The following SDHA variants were observed in gnomAD, a reference collection of about 807,000 sequenced individuals.
SDHA encodes the protein succinate dehydrogenase [ubiquinone] flavoprotein subunit, mitochondrial.
In SDHA, 48 loss-of-function variants were observed where a neutral mutation model predicts 78.4. The observed-to-expected ratio is 0.61, with a 90% CI of 0.49 to 0.78. The LOEUF (loss-of-function observed/expected upper bound fraction) is 0.78. Among genes scored for constraint, SDHA ranks in the 30% least tolerant of loss-of-function variants. SDHA has a pLI of 0.00. For missense variants in SDHA, 680 were observed against 892.7 expected (o/e 0.76, Z 3.04); for synonymous variants, 326 against 353.9 (o/e 0.92, Z 0.88).
intron 1 of SDHA, chr5:220,367 C>T: frequency 4.6e-6 from 2 of 433,656 alleles, no homozygotes; most frequent in South Asian, 3.2e-5. Context: ...TTAACATGAA[C>T]ATCCAATATA....
At chr5:240,805 G>A (rs1736091626) in intron 11 of SDHA, among the ~76,000 whole-genome samples, 1 of 152,182 alleles carries the variant, frequency 6.6e-6, no homozygotes, top group African/African-American at 2.4e-5. Flanking sequence ...ACTTCACTTA[G>A]GATAGTGACC....
intron 9 of SDHA, 49 bp from the exon 10 acceptor site, chr5:236,379 T>G: frequency 6.3e-7 from 1 of 1,590,410 alleles, no homozygotes; most frequent in Non-Finnish European, 8.6e-7. Context: ...GGTGGGCTGG[T>G]GGAGGCATGG....
chr5:234,828 G>C (rs1430284858), intron 8 of SDHA: 1 of 405,040 alleles, frequency 2.5e-6, no homozygotes, highest in Admixed American at 3.6e-5. Context: ...ACGCAGGGAC[G>C]ACTGTATTTG....
rs1579397115 is a variant in SDHA at position 230,890 on chromosome 5, C to T, written c.785C>T (p.Thr262Ile). 18 of 1,614,012 alleles carry T rather than the reference C, an allele frequency of 1.1e-5. No homozygotes were observed. The highest frequency in any genetic ancestry group is 1.5e-5 in the Non-Finnish European group (18 of 1,179,938). ...ATTGTTTCCAGAGGCTACGGGCGCA[C>T]CTACTTCAGCTGCACGTCTGCCCAC... ...TVVATGGYGR[T>I]YFSCTSAHTS... The change falls in exon 7 of 15, where the codon ACC becomes ATC. Residue 262 changes from threonine (T) to isoleucine (I), a missense_variant. Coordinates refer to ENST00000264932, the MANE Select transcript of SDHA (RefSeq NM_004168.4).
At chr5:247,383 C>A (rs1353603628) in intron 11 of SDHA, among the ~76,000 whole-genome samples, 12 of 152,204 alleles carry the variant, frequency 7.9e-5, no homozygotes, top group African/African-American at 2.9e-4. Context: ...TACACCTCTT[C>A]CAGGACCTTT....
intron 9 of SDHA, chr5:236,104 A>G (rs1034481988): frequency 1.3e-5 from 5 of 390,644 alleles, no homozygotes; most frequent in African/African-American, 2.1e-5. Context: ...AGCTCACTGC[A>G]ACCTCTGCCT....
rs772849135 is a variant in SDHA at position 226,066 on chromosome 5, A to G, written c.621+19A>G. 3.7e-6 allele frequency: 6 copies of G among 1,614,012 alleles called. No individual in the cohort carries two copies. In the South Asian group the frequency reaches 6.6e-5, roughly 18 times the overall value. ...TGGAAGGGTAAGGCCGCCCCCGTCC[A>G]CCTGAGACAGGACACGTAGTGCTGG... On this transcript the variant is annotated intron_variant, in intron 5 of 14. Transcript: ENST00000264932.
intron 1 of SDHA, among the ~76,000 whole-genome samples, chr5:219,004 C>T (rs1734554940): frequency 6.6e-6 from 1 of 152,218 alleles, no homozygotes; most frequent in South Asian, 2.1e-4. Flanking sequence ...GTTCGCCTTT[C>T]CAGAAAGCGC....
At chr5:262,155 C>CCCAACAGAGCATTA in the SDHA span, among the ~76,000 whole-genome samples, 6 of 105,588 alleles carry the variant, frequency 5.7e-5, no homozygotes, top group East Asian at 7.0e-4. Context: ...AGCTCCGCCT[C>CCCAACAGAGCATTA]CCGTCAGAGC....
At chr5:223,768 T>G (rs1734845991) in intron 2 of SDHA, among the ~76,000 whole-genome samples, 200 bp downstream of exon 2, 1 of 150,106 alleles carries the variant, frequency 6.7e-6, no homozygotes, top group South Asian at 2.1e-4. Context: ...CATTTTTACT[T>G]GTATCTGTTA....
chr5:254,156 C>CT (rs1184415876), intron 13 of SDHA, among the ~76,000 whole-genome samples: 1 of 146,350 alleles, frequency 6.8e-6, no homozygotes, highest in Non-Finnish European at 1.5e-5. Context: ...ATAAAGGATG[C>CT]TTAAGGGAAC....
rs1429543244 is a variant in SDHA at position 239,240 on chromosome 5, A to G, written c.1433-1118A>G. ...ATAACGTTATAAAAAAAACTTAAAA[A>G]CTTTTTTCAAGACATCGTAGAAACA... On this transcript the variant is annotated intron_variant, in intron 10 of 14. Coordinates refer to ENST00000264932, the MANE Select transcript of SDHA (RefSeq NM_004168.4). Among the ~76,000 whole-genome samples the G allele has an allele frequency of 4.3e-3, 652 of 151,672 alleles. 5 individuals carry two copies. The highest frequency in any genetic ancestry group is 0.012 in the African/African-American group (485 of 41,192).
the SDHA span, among the ~76,000 whole-genome samples, chr5:268,375 G>A: frequency 6.6e-6 from 1 of 151,990 alleles, no homozygotes; most frequent in Non-Finnish European, 1.5e-5. Flanking sequence ...GTAGAGACGA[G>A]GTTTCACCAT....
chr5:227,305 C>G (rs560521199), intron 5 of SDHA, among the ~76,000 whole-genome samples: 137 of 152,320 alleles, frequency 9.0e-4, no homozygotes, highest in African/African-American at 3.3e-3. Flanking sequence ...CCACCGCACC[C>G]GGCCATGGAT....
intron 2 of SDHA, among the ~76,000 whole-genome samples, chr5:223,845 T>A (rs1407784017): frequency 6.6e-6 from 1 of 152,158 alleles, no homozygotes; most frequent in African/African-American, 2.4e-5. Flanking sequence ...ATGAACAGTG[T>A]CTGCTGTGAT....
At chr5:253,650 G>A (rs570478470) in intron 13 of SDHA, among the ~76,000 whole-genome samples, 1 of 152,168 alleles carries the variant, frequency 6.6e-6, no homozygotes, top group Non-Finnish European at 1.5e-5. Flanking sequence ...GGCCGGGCTG[G>A]TCTCGAACTC....
rs567820710 is a variant in SDHA at position 236,530 on chromosome 5, A to C, written c.1363A>C (p.Asn455His). The C allele has an allele frequency of 1.9e-6, 3 of 1,614,034 alleles. No individual in the cohort carries two copies. In the South Asian group the frequency reaches 3.3e-5, roughly 18 times the overall value. Residue 455 changes from asparagine (N) to histidine (H), a missense_variant, in exon 10 of 15, where the codon AAC becomes CAC. Transcript: ENST00000264932. ...ACATGGTGCCAACCGCCTCGGGGCA[A>C]ACTCGCTCTTGGACCTGGTTGTCTT... ...SVHGANRLGANSLLDLVVFGR... is the reference protein window; with the variant it reads ...SVHGANRLGAHSLLDLVVFGR...
chr5:231,071 T>A, intron 7 of SDHA, 71 bp downstream of exon 7: 1 of 1,539,996 alleles, frequency 6.5e-7, no homozygotes, highest in South Asian at 1.1e-5. Flanking sequence ...TGCCTACTCA[T>A]TGCTCTTCCA....
chr5:259,791 C>T (rs1244911132), downstream of SDHA, among the ~76,000 whole-genome samples: 27 of 18,314 alleles, frequency 1.5e-3, 1 homozygote, highest in South Asian at 3.2e-3. Flanking sequence ...CCGCCTCCCG[C>T]CAGAGCATTA....
Sources: gnomAD v4.1 joint callset for allele counts (sites outside exome capture counted in the v4.1 genomes callset) on GRCh38, gnomAD v4.1.1 for gene constraint, MANE v1.5 for transcripts, NCBI Gene and HGNC (gene_info 2026-07-23, HGNC 2026-07-21) for gene names.